Variants in MS4A1 observed in about 807,000 individuals in gnomAD.
MS4A1 encodes membrane spanning 4-domains A1, also known as B-lymphocyte antigen CD20.
A neutral mutation model predicts 26.5 loss-of-function variants in MS4A1; 16 were observed. The ratio of observed to expected loss-of-function variants is 0.60; its 90% CI spans 0.41 to 0.92. The LOEUF (loss-of-function observed/expected upper bound fraction) is 0.92, where lower values mean the gene tolerates loss of function less well. MS4A1 is among the 40% of genes least tolerant of loss of function. MS4A1 has a pLI of 0.00. For missense variants in MS4A1, 350 were observed against 353.0 expected (o/e 0.99, Z 0.07); for synonymous variants, 128 against 117.6 (o/e 1.09, Z -0.57).
At chr11:60,464,873 C>T (rs187160232) in intron 5 of MS4A1, among the ~76,000 whole-genome samples, 1 of 152,214 alleles carries the variant, frequency 6.6e-6, no homozygotes, top group Admixed American at 6.5e-5. Context: ...GTGGTCTTGC[C>T]CATAAAACCC....
intron 1 of MS4A1, among the ~76,000 whole-genome samples, chr11:60,460,232 C>A (rs952784316): frequency 2.0e-5 from 3 of 152,020 alleles, no homozygotes. Context: ...GGCGACAGAG[C>A]GAGGCCCTGT....
chr11:60,467,113 A>C, intron 7 of MS4A1, 53 bp downstream of exon 7: 1 of 1,387,556 alleles, frequency 7.2e-7, no homozygotes, highest in East Asian at 2.3e-5. Context: ...CCACATCCAC[A>C]AAGGATCATT....
At chr11:60,456,939 C>A (rs2086209041) in intron 1 of MS4A1, among the ~76,000 whole-genome samples, 1 of 152,144 alleles carries the variant, frequency 6.6e-6, no homozygotes, top group Admixed American at 6.5e-5. Flanking sequence ...CCATTGTGAG[C>A]ACTTGTTAAG....
chr11:60,468,477 TTC>T lies in MS4A1; in HGVS notation c.*11_*12del. On this transcript the variant is annotated 3_prime_UTR_variant, in exon 8 of 8. Transcript: ENST00000345732. ...ATGACAGCTCTCCTTAAGTGATTTC[TTC>T]TGTTTTCTGTTTCCTTTTTTAAACA... is the stretch of plus-strand genomic sequence containing the variant. The T allele has an allele frequency of 1.2e-6, 2 of 1,611,732 alleles. No individual in the cohort carries two copies. The highest frequency in any genetic ancestry group is 1.7e-6 in the Non-Finnish European group (2 of 1,178,006).
intron 6 of MS4A1, chr11:60,466,517 A>G: frequency 3.0e-6 from 1 of 337,706 alleles, no homozygotes. Flanking sequence ...TGAGCATAGA[A>G]GAAATTCCTA....
Position 60,463,057 on chromosome 11 carries a change from T to A in MS4A1, c.215T>A (p.Ile72Asn), listed in dbSNP as rs1237057005. ...FHIALGGLLM[I>N]PAGIYAPICV... ...ATTGCCCTGGGGGGTCTTCTGATGA[T>A]CCCAGCAGGGATCTATGCACCCATC... The change falls in exon 4 of 8, where the codon ATC becomes AAC. Residue 72 changes from isoleucine to asparagine, a missense_variant. Transcript: ENST00000345732. 2 of 1,614,042 alleles carry A rather than the reference T, an allele frequency of 1.2e-6. No homozygotes were observed. The highest frequency in any genetic ancestry group is 3.3e-5 in the Admixed American group (2 of 59,998).
At chr11:60,457,648 A>G (rs1408520856) in intron 1 of MS4A1, among the ~76,000 whole-genome samples, 1 of 152,216 alleles carries the variant, frequency 6.6e-6, no homozygotes, top group Non-Finnish European at 1.5e-5. Flanking sequence ...ATGTGGTCCC[A>G]ACTATCTAAG....
At chr11:60,458,874 C>A (rs1053001657) in intron 1 of MS4A1, among the ~76,000 whole-genome samples, 2 of 151,842 alleles carry the variant, frequency 1.3e-5, no homozygotes, top group African/African-American at 4.8e-5. Flanking sequence ...ACAGAGAAAG[C>A]ACTCATGTGT....
At chr11:60,467,200 T>C in intron 7 of MS4A1, 140 bp downstream of exon 7, 1 of 715,310 alleles carries the variant, frequency 1.4e-6, no homozygotes, top group South Asian at 1.6e-5. Context: ...GGCATATTTC[T>C]AGAAAGCAAA....
In MS4A1 at chr11:60,462,361, G is replaced by A; in HGVS notation, c.-14G>A. ...TTTGTTATTTGTTTTATTTTTAGGA[G>A]TTTTGAGAGCAAAATGACAACACCC... On this transcript the variant is annotated 5_prime_UTR_variant, in exon 3 of 8. Coordinates refer to ENST00000345732, the MANE Select transcript of MS4A1 (RefSeq NM_152866.3). 1 of 1,614,138 alleles carries A rather than the reference G, an allele frequency of 6.2e-7. No homozygotes were observed. The highest frequency in any genetic ancestry group is 8.5e-7 in the Non-Finnish European group (1 of 1,179,998).
At chr11:60,462,672 T>C in intron 3 of MS4A1, 139 bp downstream of exon 3, 1 of 1,155,128 alleles carries the variant, frequency 8.7e-7, no homozygotes, top group Non-Finnish European at 1.3e-6. Flanking sequence ...TCTAACACAG[T>C]GGGCCAAATC....
chr11:60,466,174 A>G lies in MS4A1; in HGVS notation c.573+17A>G. Reference sequence around the variant, plus strand: ...CTGTTCTTGGTAAGTGTTCTTGGTAAGTGTGAGATTGGATTTCTCTCCAGG... The same window carrying G: ...CTGTTCTTGGTAAGTGTTCTTGGTAGGTGTGAGATTGGATTTCTCTCCAGG... On this transcript the variant is annotated intron_variant, in intron 6 of 7. Transcript: ENST00000345732. 6.4e-7 allele frequency: 1 copy of G among 1,572,768 alleles called. No homozygotes were observed. The highest frequency in any genetic ancestry group is 2.2e-5 in the East Asian group (1 of 44,698).
Position 60,464,273 on chromosome 11 carries a change from C to A in MS4A1, c.280-15C>A. The stretch of plus-strand genomic sequence containing the variant: ...CCCACCCCCTCTCCATCTCCCCCAC[C>A]TCTCTTTTTTACAGTATATTATTTC... On this transcript the variant is annotated splice_polypyrimidine_tract_variant and intron_variant, in intron 4 of 7. Transcript: ENST00000345732. 1.2e-6 allele frequency: 2 copies of A among 1,601,924 alleles called. No individual in the cohort carries two copies. Among genetic ancestry groups the A allele is most frequent in the Non-Finnish European group, 1.7e-6 (2 of 1,171,262 alleles).
At position 60,468,556 on chromosome 11, in the gene MS4A1, T is replaced by G; in HGVS notation, c.*88T>G. 1 of 1,212,890 alleles carries G rather than the reference T, an allele frequency of 8.2e-7. No individual in the cohort carries two copies. 75.1% of individuals were successfully genotyped at this position (1,212,890 alleles called of 1,614,324 possible). A position where few individuals can be genotyped will look rare whatever the true frequency, so the allele number is the denominator to read the frequency against. The stretch of plus-strand genomic sequence containing the variant: ...TGCTGACTTTCATTTCTTGAGGTAC[T>G]CTGCACATACGCACCACATCTCTAT... On this transcript the variant is annotated 3_prime_UTR_variant, in exon 8 of 8. Coordinates refer to ENST00000345732, the MANE Select transcript of MS4A1 (RefSeq NM_152866.3).
intron 3 of MS4A1, 28 bp from the exon 4 acceptor site, chr11:60,462,974 T>C (rs2086260776): frequency 1.2e-6 from 2 of 1,612,180 alleles, no homozygotes; most frequent in Non-Finnish European, 1.7e-6. Context: ...TTTCAGCTCA[T>C]CCACTGCTGC....
chr11:60,455,959 T>C lies in MS4A1; in HGVS notation c.-280+14T>C, dbSNP rs201625555. 2.6e-5 allele frequency: 4 copies of C among 152,268 alleles called. No homozygotes were observed. The South Asian group carries it at 8.3e-4, about 32-fold the overall frequency. The allele number at this position is 152,268 out of a possible 1,614,324, so 9.4% of individuals were successfully genotyped here. The stretch of plus-strand genomic sequence containing the variant: ...TTGGAGACTCAGGTAAGGAATCAAT[T>C]TGCTTTCTTTAAATGACTTAAAGGA... On this transcript the variant is annotated intron_variant, in intron 1 of 7. Transcript: ENST00000345732.
At chr11:60,464,380 G>C in intron 5 of MS4A1, 36 bp downstream of exon 5, 1 of 1,593,638 alleles carries the variant, frequency 6.3e-7, no homozygotes, top group South Asian at 1.1e-5. Flanking sequence ...CCACATGTCA[G>C]AGAAGTACCT....
Position 60,468,533 on chromosome 11 carries a change from C to A in MS4A1, c.*65C>A. The A allele has an allele frequency of 6.7e-7, 1 of 1,483,134 alleles. No individual in the cohort carries two copies. Among genetic ancestry groups the A allele is most frequent in the Non-Finnish European group, 9.4e-7 (1 of 1,068,634 alleles). 91.9% of individuals were successfully genotyped at this position (1,483,134 alleles called of 1,614,324 possible). ...GTGTTCATAGCTTCCAAGAGACATG[C>A]TGACTTTCATTTCTTGAGGTACTCT... On this transcript the variant is annotated 3_prime_UTR_variant, in exon 8 of 8. Coordinates refer to ENST00000345732, the MANE Select transcript of MS4A1 (RefSeq NM_152866.3).
intron 5 of MS4A1, chr11:60,465,660 A>G (rs1321117994): frequency 4.4e-6 from 2 of 455,564 alleles, no homozygotes; most frequent in Admixed American, 3.6e-5. Context: ...TACAAGATAT[A>G]GAATCAAGGG....
Sources: allele counts gnomAD v4.1 joint callset (sites outside exome capture counted in the v4.1 genomes callset), GRCh38; gene constraint gnomAD v4.1.1; transcripts MANE v1.5; gene names NCBI Gene and HGNC (gene_info 2026-07-23, HGNC 2026-07-21).